The following ALK variants were observed in gnomAD, a reference collection of about 807,000 sequenced individuals.
ALK encodes ALK receptor tyrosine kinase.
A neutral mutation model predicts 163.1 loss-of-function variants in ALK; 74 were observed. The observed-to-expected ratio is 0.45, with a 90% CI of 0.38 to 0.55. ALK has a LOEUF of 0.55. ALK is among the 20% of genes least tolerant of loss of function. ALK has a pLI of 0.00. For synonymous variants in ALK, 960 were observed against 843.2 expected (o/e 1.14, Z -2.40); for missense variants, 2,063 against 2,105.3 (o/e 0.98, Z 0.39).
At chr2:29,294,309 T>A (rs557757392) in intron 9 of ALK, among the ~76,000 whole-genome samples, 39 of 152,210 alleles carry the variant, frequency 2.6e-4, no homozygotes, top group Non-Finnish European at 2.1e-4. Context: ...TGACTTCTCA[T>A]AAGGAGTCAA....
chr2:29,837,818 G>A (rs1283450324), intron 1 of ALK, among the ~76,000 whole-genome samples: 1 of 152,020 alleles, frequency 6.6e-6, no homozygotes, highest in African/African-American at 2.4e-5. Context: ...TACCAGATAG[G>A]CAAAGAAGAA....
chr2:29,585,524 C>T (rs763159136), intron 3 of ALK, among the ~76,000 whole-genome samples: 6 of 152,042 alleles, frequency 3.9e-5, no homozygotes, highest in East Asian at 1.9e-4. Context: ...GATGGTGTTT[C>T]GCCATGTTGG....
intron 5 of ALK, among the ~76,000 whole-genome samples, chr2:29,374,570 T>C (rs747985748): frequency 6.6e-6 from 1 of 152,150 alleles, no homozygotes; most frequent in Non-Finnish European, 1.5e-5. Flanking sequence ...AAAATAGATA[T>C]ACATGGAAAC....
At chr2:29,349,573 G>C (rs564061927) in intron 5 of ALK, among the ~76,000 whole-genome samples, 19 of 152,290 alleles carry the variant, frequency 1.2e-4, no homozygotes, top group African/African-American at 4.1e-4. Flanking sequence ...GGGATCCTCT[G>C]TACCTGGGCT....
chr2:29,698,251 C>T (rs190305954), intron 2 of ALK, among the ~76,000 whole-genome samples: 1 of 152,162 alleles, frequency 6.6e-6, no homozygotes, highest in Non-Finnish European at 1.5e-5. Context: ...GTTTTCAGAG[C>T]AGACTGCAAA....
At chr2:29,217,558 C>G (rs934081008) in intron 23 of ALK, among the ~76,000 whole-genome samples, 2 of 152,108 alleles carry the variant, frequency 1.3e-5, no homozygotes, top group African/African-American at 4.8e-5. Flanking sequence ...CTCTGTCTAC[C>G]GCGTCTGCAC....
chr2:29,398,653 G>T (rs1323739187), intron 4 of ALK, among the ~76,000 whole-genome samples: 1 of 152,110 alleles, frequency 6.6e-6, no homozygotes, highest in Non-Finnish European at 1.5e-5. Flanking sequence ...CAGTTGCTCG[G>T]CATGTTTCTT....
intron 1 of ALK, among the ~76,000 whole-genome samples, chr2:29,807,825 C>T (rs1460271903): frequency 6.6e-6 from 1 of 152,172 alleles, no homozygotes; most frequent in African/African-American, 2.4e-5. Context: ...AAATGCTTTC[C>T]ATAACACAGG....
At chr2:29,776,276 T>G (rs973257998) in intron 1 of ALK, among the ~76,000 whole-genome samples, 1 of 149,948 alleles carries the variant, frequency 6.7e-6, no homozygotes, top group African/African-American at 2.5e-5. Context: ...CACAAGACAT[T>G]GTGATGATTA....
chr2:29,570,697 A>G lies in ALK; in HGVS notation c.953-38581T>C, dbSNP rs1247468604. On this transcript the variant is annotated intron_variant, in intron 3 of 28. Transcript: ENST00000389048. ...GACGGGCATAGCTTATCTCTTTTAG[A>G]CGTTTCGCTCTCTCGACAGTAAAGC... 2.0e-5 allele frequency among the ~76,000 whole-genome samples: 3 copies of G among 152,274 alleles called. No homozygotes were observed. The South Asian group carries it at 6.2e-4, about 32-fold the overall frequency.
At chr2:29,235,729 G>A (rs1664355413) in intron 13 of ALK, among the ~76,000 whole-genome samples, 2 of 151,946 alleles carry the variant, frequency 1.3e-5, no homozygotes, top group South Asian at 4.2e-4. Flanking sequence ...GTCTCACTCT[G>A]TCACTCAGGC....
At chr2:29,768,391 A>T (rs1271034131) in intron 1 of ALK, among the ~76,000 whole-genome samples, 4 of 152,204 alleles carry the variant, frequency 2.6e-5, no homozygotes, top group Non-Finnish European at 5.9e-5. Flanking sequence ...TACTCAGTAT[A>T]CTTTCTTGGT....
chr2:29,601,995 G>A (rs1277150022), intron 3 of ALK, among the ~76,000 whole-genome samples: 1 of 152,092 alleles, frequency 6.6e-6, no homozygotes, highest in African/African-American at 2.4e-5. Context: ...GTGTCCTGAG[G>A]GTGTGAGTGC....
chr2:29,696,031 T>C (rs1231861585), intron 2 of ALK, among the ~76,000 whole-genome samples: 1 of 152,222 alleles, frequency 6.6e-6, no homozygotes, highest in African/African-American at 2.4e-5. Flanking sequence ...ATCCCATTAC[T>C]GGGTACATAC....
At chr2:29,342,873 T>C (rs868160504) in intron 5 of ALK, among the ~76,000 whole-genome samples, 49 of 135,986 alleles carry the variant, frequency 3.6e-4, no homozygotes, top group African/African-American at 1.3e-3. Context: ...GTGTGCTCAG[T>C]GATCTTTTTT....
chr2:29,734,950 T>C (rs1679851134), intron 1 of ALK, among the ~76,000 whole-genome samples: 1 of 152,180 alleles, frequency 6.6e-6, no homozygotes, highest in Non-Finnish European at 1.5e-5. Flanking sequence ...GTAAATTTAA[T>C]TTTTTTAATA....
At chr2:29,240,033 C>T (rs1339278003) in intron 12 of ALK, among the ~76,000 whole-genome samples, 1 of 151,962 alleles carries the variant, frequency 6.6e-6, no homozygotes, top group Admixed American at 6.6e-5. Context: ...GGAGTTGCCT[C>T]AGTCACAGAA....
intron 1 of ALK, among the ~76,000 whole-genome samples, chr2:29,853,471 T>A (rs1490173138): frequency 6.6e-6 from 1 of 152,114 alleles, no homozygotes; most frequent in Non-Finnish European, 1.5e-5. Context: ...CCAGACAAGA[T>A]CCCAGGCCCC....
chr2:29,735,174 A>G (rs747695726), intron 1 of ALK, among the ~76,000 whole-genome samples: 2 of 152,162 alleles, frequency 1.3e-5, no homozygotes, highest in Non-Finnish European at 2.9e-5. Context: ...TAAGGAGAGG[A>G]TGAGGCAAGA....
Sources: allele counts gnomAD v4.1 joint callset (sites outside exome capture counted in the v4.1 genomes callset), GRCh38; gene constraint gnomAD v4.1.1; transcripts MANE v1.5; gene names NCBI Gene and HGNC (gene_info 2026-07-23, HGNC 2026-07-21).